RORB: variants seen among roughly 807,000 people sequenced by gnomAD.
RORB encodes nuclear receptor ROR-beta.
A neutral mutation model predicts 59.1 loss-of-function variants in RORB; 6 were observed. That is an observed-to-expected ratio of 0.10 (90% CI 0.06 to 0.20). RORB has a LOEUF of 0.20. Ranked by LOEUF, RORB falls within the 10% of genes least tolerant of loss-of-function variation. The probability of loss-of-function intolerance (pLI) is 1.00; values close to 1 mark genes in which losing one functional copy is unlikely to be tolerated. For synonymous variants in RORB, 215 were observed against 204.5 expected, an observed-to-expected ratio of 1.05 and a Z score of -0.44; for missense variants, 320 against 560.5, an observed-to-expected ratio of 0.57 and a Z score of 4.33.
intron 1 of RORB, among the ~76,000 whole-genome samples, chr9:74,549,116 A>G (rs1826548516): frequency 6.6e-6 from 1 of 152,160 alleles, no homozygotes; most frequent in Admixed American, 6.5e-5. Context: ...TTTCTGTGAA[A>G]GTTGTACCTG....
chr9:74,617,129 A>T (rs1403215808), intron 1 of RORB, among the ~76,000 whole-genome samples: 1 of 151,812 alleles, frequency 6.6e-6, no homozygotes. Flanking sequence ...AAGTAATTCA[A>T]ATGTCTAAAA....
In RORB at chr9:74,604,759, C is replaced by T. The variant is rs574763075; in HGVS notation, c.8-25523C>T. On this transcript the variant is annotated intron_variant, in intron 1 of 9. Coordinates refer to ENST00000376896, the MANE Select transcript of RORB (RefSeq NM_006914.4). Reference sequence around the variant, plus strand: ...GAAGTCTTTTAAGTCTTTGATATGACATTTATCACTGAAGATTCCCCAGGC... The same window carrying T: ...GAAGTCTTTTAAGTCTTTGATATGATATTTATCACTGAAGATTCCCCAGGC... Among the ~76,000 whole-genome samples, 8 of 152,238 alleles carry T rather than the reference C, an allele frequency of 5.3e-5. No homozygotes were observed. The South Asian group carries it at 1.7e-3, about 32-fold the overall frequency.
intron 1 of RORB, among the ~76,000 whole-genome samples, chr9:74,605,516 T>TGTC (rs1823136024): frequency 1.3e-5 from 2 of 152,188 alleles, no homozygotes; most frequent in Non-Finnish European, 2.9e-5. Context: ...AGTGACCCGG[T>TGTC]GTCTGTCTGC....
At chr9:74,652,180 G>C (rs1281611459) in intron 4 of RORB, among the ~76,000 whole-genome samples, 1 of 152,218 alleles carries the variant, frequency 6.6e-6, no homozygotes, top group Non-Finnish European at 1.5e-5. Context: ...GCCGAGGCGG[G>C]CAGATCATCT....
chr9:74,679,192 G>A (rs1416758239), intron 9 of RORB, among the ~76,000 whole-genome samples: 2 of 152,048 alleles, frequency 1.3e-5, no homozygotes, highest in Non-Finnish European at 2.9e-5. Flanking sequence ...CACTTGAGGA[G>A]CCACTACCCA....
chr9:74,537,540 T>A (rs1240531811), intron 1 of RORB, among the ~76,000 whole-genome samples: 1 of 152,038 alleles, frequency 6.6e-6, no homozygotes, highest in Non-Finnish European at 1.5e-5. Flanking sequence ...AAAACACAAA[T>A]AACATTTAAT....
At chr9:74,601,813 G>A (rs1222788135) in intron 1 of RORB, among the ~76,000 whole-genome samples, 1 of 152,162 alleles carries the variant, frequency 6.6e-6, no homozygotes, top group Non-Finnish European at 1.5e-5. Context: ...ATTTTAGGGG[G>A]TGAATGGAAG....
intron 8 of RORB, among the ~76,000 whole-genome samples, chr9:74,670,751 GT>G (rs1364079292): frequency 2.0e-5 from 3 of 152,160 alleles, no homozygotes; most frequent in Non-Finnish European, 4.4e-5. Context: ...GAGCCACTGT[GT>G]ATTAGGCTTC....
chr9:74,518,124 C>T (rs765457383), intron 1 of RORB, among the ~76,000 whole-genome samples: 2 of 152,008 alleles, frequency 1.3e-5, no homozygotes, highest in Non-Finnish European at 2.9e-5. Flanking sequence ...GGGTCTATCT[C>T]ATTTGTCTCA....
At chr9:74,549,567 A>G (rs868177353) in intron 1 of RORB, among the ~76,000 whole-genome samples, 3 of 33,642 alleles carry the variant, frequency 8.9e-5, no homozygotes, top group South Asian at 1.7e-3. Flanking sequence ...GAAGGAAGGA[A>G]GGAAGGAAGG....
intron 1 of RORB, among the ~76,000 whole-genome samples, chr9:74,505,391 G>A: frequency 6.6e-6 from 1 of 151,912 alleles, no homozygotes; most frequent in Non-Finnish European, 1.5e-5. Context: ...ATTTTAAAAA[G>A]AATAAGCTCA....
intron 4 of RORB, among the ~76,000 whole-genome samples, chr9:74,653,328 C>T (rs901841614): frequency 1.3e-5 from 2 of 152,072 alleles, no homozygotes; most frequent in South Asian, 4.1e-4. Context: ...ATTCCATTTT[C>T]GCACTAGTAG....
intron 4 of RORB, among the ~76,000 whole-genome samples, chr9:74,649,771 C>G (rs1015508117): frequency 6.6e-6 from 1 of 152,212 alleles, no homozygotes; most frequent in East Asian, 1.9e-4. Context: ...CATAGACATA[C>G]ATATCTACTT....
chr9:74,510,059 G>T (rs1825915260), intron 1 of RORB, among the ~76,000 whole-genome samples: 1 of 152,052 alleles, frequency 6.6e-6, no homozygotes, highest in Non-Finnish European at 1.5e-5. Flanking sequence ...TTAGTCTACT[G>T]TTAGTGATTT....
intron 1 of RORB, among the ~76,000 whole-genome samples, chr9:74,570,415 GA>G (rs559259775): frequency 1.5e-3 from 224 of 152,148 alleles, no homozygotes; most frequent in African/African-American, 4.9e-3. Context: ...CATTTCAAGG[GA>G]AAAAGTTGGT....
At chr9:74,564,195 T>C (rs1822438908) in intron 1 of RORB, among the ~76,000 whole-genome samples, 1 of 152,194 alleles carries the variant, frequency 6.6e-6, no homozygotes, top group Non-Finnish European at 1.5e-5. Flanking sequence ...ACTTAGCCCC[T>C]CTGAGTCTCT....
At chr9:74,672,860 A>G (rs1174602747) in intron 9 of RORB, among the ~76,000 whole-genome samples, 77 of 152,082 alleles carry the variant, frequency 5.1e-4, no homozygotes, top group Admixed American at 4.9e-3. Flanking sequence ...TACTCTTTAT[A>G]TTTTTATCAT....
At chr9:74,504,637 T>A (rs1825844359) in intron 1 of RORB, among the ~76,000 whole-genome samples, 1 of 152,046 alleles carries the variant, frequency 6.6e-6, no homozygotes, top group Admixed American at 6.6e-5. Context: ...TATGATATCA[T>A]GTGGTCCTGG....
At chr9:74,676,075 C>T (rs898115006) in intron 9 of RORB, among the ~76,000 whole-genome samples, 16 of 152,168 alleles carry the variant, frequency 1.1e-4, no homozygotes, top group African/African-American at 3.6e-4. Context: ...AGTGTGCTCA[C>T]GGCCAAGACC....
Sources: gnomAD v4.1 joint callset for allele counts (sites outside exome capture counted in the v4.1 genomes callset) on GRCh38, gnomAD v4.1.1 for gene constraint, MANE v1.5 for transcripts, NCBI Gene and HGNC (gene_info 2026-07-23, HGNC 2026-07-21) for gene names.